Variants in LRBA observed in about 807,000 individuals in gnomAD.
LRBA encodes lipopolysaccharide-responsive and beige-like anchor protein.
Under a neutral mutation model 330.0 loss-of-function variants are expected in LRBA, and 176 were observed. The observed-to-expected ratio is 0.53, with a 90% confidence interval of 0.47 to 0.60. The LOEUF is 0.60. LRBA is among the 20% of genes least tolerant of loss of function. The probability of loss-of-function intolerance (pLI) is 0.00; values close to 1 mark genes in which losing one functional copy is unlikely to be tolerated. For missense variants in LRBA, 3,259 were observed against 3,444.8 expected, an observed-to-expected ratio of 0.95 and a Z score of 1.35; for synonymous variants, 1,230 against 1,193.0, an observed-to-expected ratio of 1.03 and a Z score of -0.64.
At chr4:150,736,889 T>C (rs534702888) in intron 35 of LRBA, among the ~76,000 whole-genome samples, 104 of 152,198 alleles carry the variant, frequency 6.8e-4, no homozygotes, top group Non-Finnish European at 1.1e-3. Context: ...CAGATAAGAA[T>C]GCAATGACCT....
In LRBA at chr4:150,695,251, T is replaced by C. The variant is rs375980745; in HGVS notation, c.5755-11534A>G. Among the ~76,000 whole-genome samples the C allele has an allele frequency of 5.9e-5, 9 of 152,248 alleles. No individual in the cohort carries two copies. In the South Asian group the frequency reaches 6.2e-4, roughly 11 times the overall value. ...ACCACAGAATTATATTTTAAAACTA[T>C]AGTATGAGACAAAAATAACAATCAG... is the stretch of plus-strand genomic sequence containing the variant. On this transcript the variant is annotated intron_variant, in intron 36 of 56. Coordinates refer to ENST00000651943, the MANE Select transcript of LRBA (RefSeq NM_001364905.1).
intron 40 of LRBA, among the ~76,000 whole-genome samples, chr4:150,554,049 T>C (rs1020270701): frequency 6.6e-6 from 1 of 152,170 alleles, no homozygotes; most frequent in Non-Finnish European, 1.5e-5. Context: ...CCAAAACTAG[T>C]GAGAAACCTT....
At chr4:150,498,070 T>C (rs1380096487) in intron 40 of LRBA, among the ~76,000 whole-genome samples, 2 of 152,212 alleles carry the variant, frequency 1.3e-5, no homozygotes, top group Non-Finnish European at 2.9e-5. Context: ...ACCAATGATA[T>C]TGATATTTTC....
In LRBA at chr4:151,005,462, A is replaced by C. The variant is rs867009928; in HGVS notation, c.216+8965T>G. On this transcript the variant is annotated intron_variant, in intron 2 of 56. Transcript: ENST00000651943. ...CAAAAAAAAAAAAAAAAAAAAAAAA[A>C]AACCCTGTATATACCACATTAGATG... Among the ~76,000 whole-genome samples, 42 of 149,248 alleles carry C rather than the reference A, an allele frequency of 2.8e-4. 1 individual carries two copies. The East Asian group carries it at 4.2e-3, about 15-fold the overall frequency.
chr4:150,518,786 C>T (rs1762623996), intron 40 of LRBA, among the ~76,000 whole-genome samples: 1 of 152,158 alleles, frequency 6.6e-6, no homozygotes, highest in Admixed American at 6.5e-5. Flanking sequence ...TGGAAACAAA[C>T]ACAGTCCTCT....
At chr4:151,014,208 T>C (rs1353658307) in intron 2 of LRBA, 18 of 491,750 alleles carry the variant, frequency 3.7e-5, no homozygotes, top group Non-Finnish European at 5.8e-5. Context: ...ACAAAAGTGA[T>C]GTGTTCACTT....
At chr4:150,706,790 G>A (rs1785669997) in intron 36 of LRBA, among the ~76,000 whole-genome samples, 1 of 151,608 alleles carries the variant, frequency 6.6e-6, no homozygotes, top group Non-Finnish European at 1.5e-5. Context: ...CAAAGGACAT[G>A]CTCACAGAAA....
At chr4:150,817,647 A>C (rs1002675997) in intron 30 of LRBA, among the ~76,000 whole-genome samples, 2 of 151,818 alleles carry the variant, frequency 1.3e-5, no homozygotes, top group Non-Finnish European at 2.9e-5. Flanking sequence ...ATAAGCTTAA[A>C]AAAAAAAAGC....
chr4:150,709,492 C>T (rs143245086), intron 36 of LRBA, among the ~76,000 whole-genome samples: 1 of 151,868 alleles, frequency 6.6e-6, no homozygotes, highest in Non-Finnish European at 1.5e-5. Flanking sequence ...ATAATTCTAC[C>T]TTGGCCTTTC....
chr4:150,971,289 C>G (rs1214698331), intron 2 of LRBA, among the ~76,000 whole-genome samples: 4 of 152,100 alleles, frequency 2.6e-5, no homozygotes, highest in Non-Finnish European at 5.9e-5. Context: ...ATCATGGTGC[C>G]CAATTTCATA....
At chr4:150,519,913 G>C (rs193254235) in intron 40 of LRBA, among the ~76,000 whole-genome samples, 1 of 152,094 alleles carries the variant, frequency 6.6e-6, no homozygotes, top group Non-Finnish European at 1.5e-5. Context: ...AGTGTCTCCT[G>C]GTGGTTTTTC....
chr4:150,412,418 A>C (rs1747133505), intron 47 of LRBA, among the ~76,000 whole-genome samples: 1 of 152,208 alleles, frequency 6.6e-6, no homozygotes, highest in South Asian at 2.1e-4. Flanking sequence ...TCTACTTGTA[A>C]AGCAATTACG....
At chr4:150,410,325 A>C (rs1366451726) in intron 47 of LRBA, among the ~76,000 whole-genome samples, 1 of 152,180 alleles carries the variant, frequency 6.6e-6, no homozygotes, top group Non-Finnish European at 1.5e-5. Flanking sequence ...AAACAAGTTT[A>C]GATTTTATTT....
At chr4:150,292,308 A>C (rs1418521473) in intron 53 of LRBA, among the ~76,000 whole-genome samples, 1 of 152,200 alleles carries the variant, frequency 6.6e-6, no homozygotes, top group African/African-American at 2.4e-5. Context: ...TTTTCTGGCA[A>C]ACTTGTAGTT....
chr4:150,557,889 A>T (rs1286336563), intron 40 of LRBA, among the ~76,000 whole-genome samples: 1 of 151,664 alleles, frequency 6.6e-6, no homozygotes, highest in Non-Finnish European at 1.5e-5. Flanking sequence ...TCTGTTCCAT[A>T]CTGTACCCTT....
intron 2 of LRBA, among the ~76,000 whole-genome samples, chr4:150,960,814 T>C (rs74661418): frequency 0.021 from 3,114 of 149,504 alleles, 525 homozygotes; most frequent in African/African-American, 0.076. Context: ...AAAACATCTA[T>C]ATTCAGGCAA....
chr4:150,757,765 T>C (rs945373764), intron 35 of LRBA, among the ~76,000 whole-genome samples: 2 of 152,160 alleles, frequency 1.3e-5, no homozygotes, highest in Non-Finnish European at 2.9e-5. Flanking sequence ...TATTCTACAC[T>C]GTAAATAAAG....
intron 36 of LRBA, among the ~76,000 whole-genome samples, chr4:150,710,642 A>T (rs1257509509): frequency 1.3e-5 from 2 of 152,118 alleles, no homozygotes; most frequent in Non-Finnish European, 2.9e-5. Flanking sequence ...TGAGCCAAAG[A>T]GACGTACCAA....
chr4:150,631,259 G>A (rs969816790), intron 37 of LRBA, among the ~76,000 whole-genome samples: 1 of 151,542 alleles, frequency 6.6e-6, no homozygotes, highest in South Asian at 2.1e-4. Flanking sequence ...TATGGACTTA[G>A]TAAAGGGATC....
Sources: allele counts gnomAD v4.1 joint callset (sites outside exome capture counted in the v4.1 genomes callset), GRCh38; gene constraint gnomAD v4.1.1; transcripts MANE v1.5; gene names NCBI Gene and HGNC (gene_info 2026-07-23, HGNC 2026-07-21).